BBS9: variants seen among roughly 807,000 people sequenced by gnomAD.
BBS9 encodes Bardet-Biedl syndrome 9, also known as protein PTHB1.
In BBS9, 89 loss-of-function variants were observed where a neutral mutation model predicts 117.7. The observed-to-expected ratio is 0.76, with a 90% CI of 0.64 to 0.90. The LOEUF is 0.90. Among genes scored for constraint, BBS9 ranks in the 40% least tolerant of loss-of-function variants. The pLI is 0.00. For missense variants in BBS9, 982 were observed against 1,042.2 expected (o/e 0.94, Z 0.80); for synonymous variants, 379 against 370.9 (o/e 1.02, Z -0.25).
chr7:33,320,834 GT>G (rs888343837), intron 9 of BBS9, among the ~76,000 whole-genome samples: 6 of 150,536 alleles, frequency 4.0e-5, no homozygotes, highest in Non-Finnish European at 7.4e-5. Flanking sequence ...TTTCCTCAAT[GT>G]TTTTTTTTGT....
At chr7:33,585,059 T>A (rs780915758) in intron 21 of BBS9, among the ~76,000 whole-genome samples, 3 of 152,164 alleles carry the variant, frequency 2.0e-5, no homozygotes, top group Non-Finnish European at 4.4e-5. Flanking sequence ...TACTTCTTTT[T>A]AGTTGTAAAT....
chr7:33,247,029 A>G (rs1436020023), intron 5 of BBS9, among the ~76,000 whole-genome samples: 2 of 151,908 alleles, frequency 1.3e-5, no homozygotes, highest in Non-Finnish European at 2.9e-5. Flanking sequence ...TTAAAGTCTT[A>G]AAACCCCCCC....
chr7:33,253,888 A>C (rs539196698), intron 5 of BBS9, among the ~76,000 whole-genome samples: 1 of 152,308 alleles, frequency 6.6e-6, no homozygotes, highest in South Asian at 2.1e-4. Flanking sequence ...GAGGACTGTA[A>C]GTGGAAGCTT....
chr7:33,273,742 T>C, intron 8 of BBS9, 85 bp from the exon 9 acceptor site: 1 of 1,270,478 alleles, frequency 7.9e-7, no homozygotes, highest in Admixed American at 1.9e-5. Flanking sequence ...TTAGAATTAG[T>C]TTGTGCTATC....
intron 19 of BBS9, among the ~76,000 whole-genome samples, chr7:33,390,920 A>G (rs1826961910): frequency 6.6e-6 from 1 of 152,160 alleles, no homozygotes. Context: ...CTTCTAAAGT[A>G]TGTACTGGAA....
At chr7:33,596,989 G>A (rs560258904) in intron 21 of BBS9, among the ~76,000 whole-genome samples, 1 of 151,806 alleles carries the variant, frequency 6.6e-6, no homozygotes, top group African/African-American at 2.4e-5. Context: ...AACTAACAGA[G>A]TAGAGAATTA....
At chr7:33,332,704 A>G (rs1235955358) in intron 9 of BBS9, among the ~76,000 whole-genome samples, 2 of 151,850 alleles carry the variant, frequency 1.3e-5, no homozygotes, top group South Asian at 2.1e-4. Flanking sequence ...AACAACAACA[A>G]CAACAAAAAC....
intron 19 of BBS9, among the ~76,000 whole-genome samples, chr7:33,485,700 T>C (rs990633049): frequency 3.3e-5 from 5 of 152,210 alleles, no homozygotes; most frequent in African/African-American, 4.8e-5. Context: ...TTGGGTGATA[T>C]AATGAATAAC....
At chr7:33,333,869 T>G (rs528825659) in intron 9 of BBS9, among the ~76,000 whole-genome samples, 4 of 152,288 alleles carry the variant, frequency 2.6e-5, no homozygotes, top group Non-Finnish European at 5.9e-5. Context: ...GCCTCGGCTT[T>G]CCAAAATGCT....
intron 21 of BBS9, among the ~76,000 whole-genome samples, chr7:33,587,246 A>ATCCTCATT: frequency 6.6e-6 from 1 of 151,820 alleles, no homozygotes; most frequent in East Asian, 1.9e-4. Flanking sequence ...TGAGCCACTT[A>ATCCTCATT]CCCTCATTCC....
chr7:33,139,906 A>G (rs968548074), intron 1 of BBS9, among the ~76,000 whole-genome samples: 2 of 151,908 alleles, frequency 1.3e-5, no homozygotes, highest in African/African-American at 2.4e-5. Context: ...AGCACTTGAT[A>G]CAGTTGGTCA....
chr7:33,243,057 G>A (rs1794794488), intron 5 of BBS9: 5 of 507,272 alleles, frequency 9.9e-6, no homozygotes, highest in East Asian at 1.1e-4. Flanking sequence ...TGCTAATAAT[G>A]TATGGACCAC....
intron 19 of BBS9, among the ~76,000 whole-genome samples, chr7:33,502,557 TTTAA>T (rs1845599598): frequency 6.6e-6 from 1 of 152,224 alleles, no homozygotes; most frequent in African/African-American, 2.4e-5. Flanking sequence ...GTTTATGTGA[TTTAA>T]TTGTTAGTAA....
chr7:33,216,616 A>G (rs983210528), intron 5 of BBS9, among the ~76,000 whole-genome samples: 2 of 152,252 alleles, frequency 1.3e-5, no homozygotes, highest in African/African-American at 4.8e-5. Context: ...TTATAGTATT[A>G]GCAAAAGTTT....
intron 1 of BBS9, among the ~76,000 whole-genome samples, chr7:33,132,467 T>G (rs899401736): frequency 6.6e-6 from 1 of 152,222 alleles, no homozygotes; most frequent in Non-Finnish European, 1.5e-5. Context: ...GGTTTTTATT[T>G]TCCAATTACT....
intron 19 of BBS9, among the ~76,000 whole-genome samples, chr7:33,468,932 T>C (rs563304777): frequency 1.3e-5 from 2 of 152,300 alleles, no homozygotes; most frequent in African/African-American, 4.8e-5. Context: ...GTTGGTTCCA[T>C]ATTTTGGCTC....
intron 21 of BBS9, among the ~76,000 whole-genome samples, chr7:33,626,860 A>G (rs1321696505): frequency 6.6e-6 from 1 of 152,254 alleles, no homozygotes; most frequent in African/African-American, 2.4e-5. Context: ...TCCTGAAACT[A>G]GAACTTATAT....
intron 21 of BBS9, among the ~76,000 whole-genome samples, chr7:33,573,496 C>A (rs1303458657): frequency 6.6e-6 from 1 of 152,042 alleles, no homozygotes. Flanking sequence ...CTTTCTTATT[C>A]TTGTCTAAGC....
intron 5 of BBS9, among the ~76,000 whole-genome samples, chr7:33,216,585 A>T (rs1481517965): frequency 6.6e-6 from 1 of 152,232 alleles, no homozygotes; most frequent in Non-Finnish European, 1.5e-5. Context: ...GCAATCAGGT[A>T]ATAAACTCAT....
Sources: allele counts gnomAD v4.1 joint callset (sites outside exome capture counted in the v4.1 genomes callset), GRCh38; gene constraint gnomAD v4.1.1; transcripts MANE v1.5; gene names NCBI Gene and HGNC (gene_info 2026-07-23, HGNC 2026-07-21).